PPP1R9A: variants seen among roughly 807,000 people sequenced by gnomAD.
PPP1R9A encodes the protein protein phosphatase 1 regulatory subunit 9A, also known as neurabin-1.
Under a neutral mutation model 141.9 loss-of-function variants are expected in PPP1R9A, and 59 were observed. That is an observed-to-expected ratio of 0.42 (90% CI 0.34 to 0.52). The LOEUF is 0.52. PPP1R9A is among the 20% of genes least tolerant of loss of function. The pLI is 0.10. For synonymous variants in PPP1R9A, 500 were observed against 569.7 expected, an observed-to-expected ratio of 0.88 and a Z score of 1.74; for missense variants, 1,444 against 1,611.9, an observed-to-expected ratio of 0.90 and a Z score of 1.78.
chr7:95,273,166 A>G (rs1313304276), intron 14 of PPP1R9A, among the ~76,000 whole-genome samples: 1 of 152,142 alleles, frequency 6.6e-6, no homozygotes, highest in Non-Finnish European at 1.5e-5. Flanking sequence ...GCTACCTTTG[A>G]GAGTCCTAGA....
In PPP1R9A at chr7:95,022,756, G is replaced by T. The variant is rs547224973; in HGVS notation, c.1396-88503G>T. Among the ~76,000 whole-genome samples the T allele has an allele frequency of 1.3e-3, 194 of 151,988 alleles. 1 individual carries two copies. Among genetic ancestry groups the T allele is most frequent in the Non-Finnish European group, 2.1e-3 (143 of 67,996 alleles). ...GGTAATCATGTGGTTTTTTTCATTG[G>T]TTCTGTTTATGTGATGGATTACATT... is the stretch of plus-strand genomic sequence containing the variant. On this transcript the variant is annotated intron_variant, in intron 2 of 19. Transcript: ENST00000433360.
At chr7:95,174,880 G>A (rs750214609) in intron 5 of PPP1R9A, 3 of 152,034 alleles carry the variant, frequency 2.0e-5, no homozygotes, top group Non-Finnish European at 4.4e-5. Flanking sequence ...GGCATAGTTG[G>A]TGTACCTATT....
intron 2 of PPP1R9A, among the ~76,000 whole-genome samples, chr7:94,974,052 T>G (rs1227319934): frequency 2.0e-5 from 3 of 152,074 alleles, no homozygotes; most frequent in Non-Finnish European, 4.4e-5. Context: ...TAGACACCAT[T>G]TAGGAAATTG....
intron 4 of PPP1R9A, among the ~76,000 whole-genome samples, chr7:95,135,498 T>A (rs2152545070): frequency 6.6e-6 from 1 of 152,338 alleles, no homozygotes; most frequent in East Asian, 1.9e-4. Context: ...CATTTTTTGA[T>A]CTAGTTTGTT....
At chr7:95,057,179 T>C (rs1292565887) in intron 2 of PPP1R9A, among the ~76,000 whole-genome samples, 4 of 152,094 alleles carry the variant, frequency 2.6e-5, no homozygotes, top group Admixed American at 2.6e-4. Context: ...TCCCAAGAAA[T>C]TCACAGTCTT....
At chr7:95,147,881 T>A (rs887851810) in intron 4 of PPP1R9A, among the ~76,000 whole-genome samples, 2 of 152,242 alleles carry the variant, frequency 1.3e-5, no homozygotes, top group Admixed American at 6.5e-5. Flanking sequence ...TTTGATGTGC[T>A]GCTGGATTTG....
chr7:95,188,385 G>A (rs1250368023), intron 5 of PPP1R9A, among the ~76,000 whole-genome samples: 1 of 152,060 alleles, frequency 6.6e-6, no homozygotes, highest in Non-Finnish European at 1.5e-5. Context: ...TTATGCCTTA[G>A]GTAAGTCTCT....
At chr7:95,225,855 T>C in intron 7 of PPP1R9A, 106 bp from the exon 8 acceptor site, 1 of 1,218,952 alleles carries the variant, frequency 8.2e-7, no homozygotes, top group Non-Finnish European at 1.1e-6. Flanking sequence ...CTTACACTTT[T>C]ACCATTTGGG....
rs1835171690 is a variant in PPP1R9A, at chr7:95,189,571, G to A, written c.1755-8778G>A. On this transcript the variant is annotated intron_variant, in intron 5 of 19. Transcript: ENST00000433360. ...CCTGCCTCAGCCTCCCAAGTAGCTG[G>A]GACTACAGGCGCCCGCCACTACGCC... Among the ~76,000 whole-genome samples, 4 of 149,568 alleles carry A rather than the reference G, an allele frequency of 2.7e-5. No individual in the cohort carries two copies. In the South Asian group the frequency reaches 8.5e-4, roughly 32 times the overall value.
intron 2 of PPP1R9A, among the ~76,000 whole-genome samples, chr7:95,027,444 C>G (rs1229245946): frequency 6.6e-6 from 1 of 152,166 alleles, no homozygotes; most frequent in East Asian, 1.9e-4. Context: ...ATGAGATGAG[C>G]TGTGTACCTC....
chr7:95,031,488 C>T (rs2151816735), intron 2 of PPP1R9A, among the ~76,000 whole-genome samples: 1 of 152,230 alleles, frequency 6.6e-6, no homozygotes, highest in Middle Eastern at 3.4e-3. Context: ...GGCACAGTGG[C>T]TAATGCCTGT....
rs146224042 is a variant in PPP1R9A at position 94,911,139 on chromosome 7, A to G, written c.1026A>G (p.Gln342=). ...PKSEIPSPQS[Q]LLEDAEANLV... ...CCGAAATCCCTTCACCACAAAGCCA[A>G]CTGTTAGAAGATGCTGAAGCTAATT... The change falls in exon 2 of 20, where the codon CAA becomes CAG. Residue 342 remains glutamine (Q), a synonymous_variant. Coordinates refer to ENST00000433360, the MANE Select transcript of PPP1R9A (RefSeq NM_001166160.2). 2.3e-5 allele frequency: 37 copies of G among 1,614,176 alleles called. No individual in the cohort carries two copies. The African/African-American group carries it at 3.6e-4, about 16-fold the overall frequency.
chr7:94,938,022 T>C (rs1794947500), intron 2 of PPP1R9A, among the ~76,000 whole-genome samples: 1 of 152,172 alleles, frequency 6.6e-6, no homozygotes, highest in Non-Finnish European at 1.5e-5. Flanking sequence ...TATAGTTTTC[T>C]ATATCAGTGG....
chr7:94,982,753 A>G (rs1232088798), intron 2 of PPP1R9A, among the ~76,000 whole-genome samples: 2 of 152,076 alleles, frequency 1.3e-5, no homozygotes. Context: ...AGATTGCAAA[A>G]ATTTTCTCCC....
intron 2 of PPP1R9A, among the ~76,000 whole-genome samples, chr7:95,010,613 C>T (rs1421562455): frequency 2.0e-5 from 3 of 152,038 alleles, no homozygotes. Context: ...CGTAGTTACT[C>T]AATATTGAAA....
At chr7:94,946,766 A>G (rs1795939522) in intron 2 of PPP1R9A, among the ~76,000 whole-genome samples, 1 of 152,162 alleles carries the variant, frequency 6.6e-6, no homozygotes, top group Non-Finnish European at 1.5e-5. Flanking sequence ...CACTGTACCA[A>G]CAATATTTTG....
chr7:95,098,835 T>C (rs1028728904), intron 2 of PPP1R9A, among the ~76,000 whole-genome samples: 15 of 152,182 alleles, frequency 9.9e-5, no homozygotes, highest in African/African-American at 3.6e-4. Context: ...CCACTCTCCC[T>C]TCCATTCAGA....
At chr7:94,946,446 G>A (rs901996094) in intron 2 of PPP1R9A, among the ~76,000 whole-genome samples, 4 of 151,918 alleles carry the variant, frequency 2.6e-5, no homozygotes, top group African/African-American at 9.7e-5. Flanking sequence ...AAATCCCATA[G>A]TCAGAATCAT....
In PPP1R9A at chr7:94,911,315, A is replaced by G; in HGVS notation, c.1202A>G (p.Tyr401Cys). 2 of 1,614,152 alleles carry G rather than the reference A, an allele frequency of 1.2e-6. No individual in the cohort carries two copies. The highest frequency in any genetic ancestry group is 8.5e-7 in the Non-Finnish European group (1 of 1,180,000). The change falls in exon 2 of 20, where the codon TAT becomes TGT. Residue 401 changes from tyrosine to cysteine, a missense_variant. Tyr to Cys is a radical substitution (Grantham distance 194). Around this residue, in one of 5 missense-constraint regions of PPP1R9A, gnomAD observed 490 missense variants for 521.1 expected, o/e 0.94. Coordinates refer to ENST00000433360, the MANE Select transcript of PPP1R9A (RefSeq NM_001166160.2). ...DGSHVYMHSD[Y>C]NVYRVRSRYN... ...TCCCATGTGTACATGCACAGTGACT[A>G]TAATGTGTATAGGGTGAGATCCAGG...
Sources: gnomAD v4.1 joint callset for allele counts (sites outside exome capture counted in the v4.1 genomes callset) on GRCh38, gnomAD v4.1.1 for gene constraint, gnomAD v4.1.1 regional missense constraint, MANE v1.5 for transcripts, NCBI Gene and HGNC (gene_info 2026-07-23, HGNC 2026-07-21) for gene names.